NXNL1: variants seen among roughly 807,000 people sequenced by gnomAD.
NXNL1 encodes the protein nucleoredoxin like 1.
In NXNL1, 6 loss-of-function variants were observed where a neutral mutation model predicts 7.2. The ratio of observed to expected loss-of-function variants is 0.83; its 90% CI spans 0.46 to 1.64. The LOEUF (loss-of-function observed/expected upper bound fraction) is 1.64. Among genes scored for constraint, NXNL1 ranks in the 40% most tolerant of loss-of-function variants. NXNL1 has a pLI of 0.01. For missense variants in NXNL1, 308 were observed against 285.1 expected, an observed-to-expected ratio of 1.08 and a Z score of -0.58; for synonymous variants, 133 against 127.2, an observed-to-expected ratio of 1.05 and a Z score of -0.31.
At position 17,460,591 on chromosome 19, in the gene NXNL1, GT is replaced by G; in HGVS notation, c.278del (p.Asp93AlafsTer15). The G allele has an allele frequency of 6.2e-7, 1 of 1,606,458 alleles. No homozygotes were observed. Among genetic ancestry groups the G allele is most frequent in the Non-Finnish European group, 8.5e-7 (1 of 1,179,998 alleles). ...GCAGGAAAAGCCATTTCTTTGGCAT[GT>G]CCTTGAGGAACAGGTCCTGCTGCTC... ...TEEQQDLFLK[D>X]MPKKWLFLPF... On this transcript the variant is annotated frameshift_variant, in exon 1 of 2. Coordinates refer to ENST00000301944, the MANE Select transcript of NXNL1 (RefSeq NM_138454.2). LOFTEE classifies it high-confidence loss of function.
At chr19:17,459,607 A>G (rs1466916727) in intron 1 of NXNL1, among the ~76,000 whole-genome samples, 2 of 152,088 alleles carry the variant, frequency 1.3e-5, no homozygotes, top group Admixed American at 6.6e-5. Flanking sequence ...TAGTAGAGAC[A>G]GGGTTTTGCC....
chr19:17,457,460 C>T (rs995163170), intron 1 of NXNL1, among the ~76,000 whole-genome samples: 16 of 152,110 alleles, frequency 1.1e-4, no homozygotes, highest in Non-Finnish European at 2.1e-4. Context: ...TAACTTCAAA[C>T]TCCTGGGCTC....
In NXNL1 at chr19:17,460,855, G is replaced by A. The variant is rs2075010496; in HGVS notation, c.15C>T (p.Phe5=). 2 of 1,613,286 alleles carry A rather than the reference G, an allele frequency of 1.2e-6. No homozygotes were observed. The highest frequency in any genetic ancestry group is 1.7e-6 in the Non-Finnish European group (2 of 1,180,022). Residue 5 remains phenylalanine, a synonymous_variant, in exon 1 of 2, where the codon TTC becomes TTT. Transcript: ENST00000301944. The part of the protein sequence containing the change: MASL[F]SGRILIRNNS... ...TGTTGCGGATCAGGATGCGGCCAGA[G>A]AACAGGGAGGCCATGGTAACCTGGG...
rs1252417355 is a variant in NXNL1, at chr19:17,455,511, G to C, written c.*136C>G. 8.1e-6 allele frequency: 5 copies of C among 618,124 alleles called. No homozygotes were observed. The highest frequency in any genetic ancestry group is 5.6e-5 in the African/African-American group (3 of 54,022). 38.3% of individuals were successfully genotyped at this position (618,124 alleles called of 1,614,324 possible). A position where few individuals can be genotyped will look rare whatever the true frequency, so the allele number is the denominator to read the frequency against. ...AGTCAGGGTCTCACTCTCTTGCCCA[G>C]GTTGATCTCGAACCTCTGGGCTCAA... On this transcript the variant is annotated 3_prime_UTR_variant, in exon 2 of 2. Coordinates refer to ENST00000301944, the MANE Select transcript of NXNL1 (RefSeq NM_138454.2).
intron 1 of NXNL1, among the ~76,000 whole-genome samples, chr19:17,459,079 C>T (rs1321161897): frequency 4.6e-5 from 7 of 151,990 alleles, no homozygotes; most frequent in Non-Finnish European, 8.8e-5. Context: ...CCTTATAAAG[C>T]TTGAATCCGA....
At chr19:17,459,373 C>T (rs1255879029) in intron 1 of NXNL1, among the ~76,000 whole-genome samples, 1 of 152,072 alleles carries the variant, frequency 6.6e-6, no homozygotes, top group East Asian at 1.9e-4. Flanking sequence ...TATCTTTCTT[C>T]TCATTGGAGT....
intron 1 of NXNL1, 46 bp downstream of exon 1, chr19:17,460,498 G>T: frequency 6.3e-7 from 1 of 1,583,364 alleles, no homozygotes; most frequent in Non-Finnish European, 8.6e-7. Flanking sequence ...TTCACTTTCA[G>T]CGAACATGCC....
intron 1 of NXNL1, among the ~76,000 whole-genome samples, chr19:17,456,342 AGC>A (rs1216654151): frequency 6.6e-6 from 1 of 151,380 alleles, no homozygotes; most frequent in Non-Finnish European, 1.5e-5. Flanking sequence ...AAATAAATAA[AGC>A]AGGGTGTGGT....
At position 17,456,068 on chromosome 19, in the gene NXNL1, C is replaced by T. The variant is rs1272902349; in HGVS notation, c.327-109G>A. ...AGGCAGCGCCTTCTGTGTGCACTGC[C>T]TCTTGCCGGGCACTGGGTAGGTGCA... On this transcript the variant is annotated intron_variant, in intron 1 of 1. Coordinates refer to ENST00000301944, the MANE Select transcript of NXNL1 (RefSeq NM_138454.2). 2.0e-6 allele frequency: 3 copies of T among 1,516,844 alleles called. No homozygotes were observed. In the African/African-American group the frequency reaches 4.1e-5, roughly 21 times the overall value. 94.0% of individuals were successfully genotyped at this position (1,516,844 alleles called of 1,614,324 possible).
chr19:17,457,836 C>G (rs549100344), intron 1 of NXNL1, among the ~76,000 whole-genome samples: 5 of 152,338 alleles, frequency 3.3e-5, no homozygotes, highest in Admixed American at 2.6e-4. Flanking sequence ...GGAAGCGTTG[C>G]TAGCGTCAGG....
At chr19:17,457,338 A>C (rs1391254723) in intron 1 of NXNL1, among the ~76,000 whole-genome samples, 1 of 152,128 alleles carries the variant, frequency 6.6e-6, no homozygotes, top group Non-Finnish European at 1.5e-5. Flanking sequence ...CTTATACTAA[A>C]GAAAGATTAT....
rs1475185945 is a variant in NXNL1 at position 17,455,442 on chromosome 19, A to C, written c.*205T>G. On this transcript the variant is annotated 3_prime_UTR_variant, in exon 2 of 2. Coordinates refer to ENST00000301944, the MANE Select transcript of NXNL1 (RefSeq NM_138454.2). ...CCTCAGCCTTCAGGGTAGCTAAGCCACAGGTGCGCGCCACCACACCGGGCT... is the reference window on the plus strand; with the variant it reads ...CCTCAGCCTTCAGGGTAGCTAAGCCCCAGGTGCGCGCCACCACACCGGGCT... 2 of 577,292 alleles carry C rather than the reference A, an allele frequency of 3.5e-6. No individual in the cohort carries two copies. Among genetic ancestry groups the C allele is most frequent in the South Asian group, 4.4e-5 (2 of 45,276 alleles). The allele number at this position is 577,292 out of a possible 1,614,324, so 35.8% of individuals were successfully genotyped here.
At chr19:17,458,290 G>A (rs2075000524) in intron 1 of NXNL1, among the ~76,000 whole-genome samples, 1 of 146,602 alleles carries the variant, frequency 6.8e-6, no homozygotes, top group Non-Finnish European at 1.5e-5. Flanking sequence ...CACGATCTCG[G>A]GTCACTGCAA....
chr19:17,457,882 G>T (rs961870459), intron 1 of NXNL1, among the ~76,000 whole-genome samples: 1 of 152,206 alleles, frequency 6.6e-6, no homozygotes, highest in Non-Finnish European at 1.5e-5. Flanking sequence ...CAGTGGGCAG[G>T]ATTCAGTGTC....
Position 17,455,841 on chromosome 19 carries a change from A to C in NXNL1, c.445T>G (p.Phe149Val), listed in dbSNP as rs749140081. ...DEIQRLGTACFANWQEAAEVL... is the reference protein window; with the variant it reads ...DEIQRLGTACVANWQEAAEVL... Reference sequence around the variant, plus strand: ...TCGGCCGCCTCCTGCCAGTTGGCGAAGCAGGCGGTGCCCAGGCGCTGGATC... The same window carrying C: ...TCGGCCGCCTCCTGCCAGTTGGCGACGCAGGCGGTGCCCAGGCGCTGGATC... The change falls in exon 2 of 2, where the codon TTC becomes GTC. Residue 149 changes from phenylalanine to valine, a missense_variant. By Grantham distance (50) the Phe-to-Val change is conservative (BLOSUM62 -1). Coordinates refer to ENST00000301944, the MANE Select transcript of NXNL1 (RefSeq NM_138454.2). 5.0e-6 allele frequency: 8 copies of C among 1,587,508 alleles called. No homozygotes were observed. The highest frequency in any genetic ancestry group is 3.3e-4 in the Middle Eastern group (2 of 6,048).
chr19:17,457,133 C>T (rs900698061), intron 1 of NXNL1, among the ~76,000 whole-genome samples: 3 of 150,464 alleles, frequency 2.0e-5, no homozygotes, highest in African/African-American at 7.3e-5. Context: ...TACAGTGGCT[C>T]ACCCCTGTAA....
At chr19:17,459,499 C>A (rs1478532912) in intron 1 of NXNL1, among the ~76,000 whole-genome samples, 1 of 151,776 alleles carries the variant, frequency 6.6e-6, no homozygotes, top group East Asian at 1.9e-4. Flanking sequence ...ATCACTGCAA[C>A]TTTCGCCTCC....
intron 1 of NXNL1, among the ~76,000 whole-genome samples, chr19:17,459,924 C>T (rs527296803): frequency 2.6e-5 from 4 of 152,244 alleles, no homozygotes; most frequent in Admixed American, 6.6e-5. Context: ...CCTCTGACCC[C>T]GGAACCTCAC....
At chr19:17,456,004 G>A in intron 1 of NXNL1, 45 bp from the exon 2 acceptor site, 1 of 1,595,182 alleles carries the variant, frequency 6.3e-7, no homozygotes, top group Non-Finnish European at 8.5e-7. Context: ...CATCCCTGAT[G>A]CTGAACCAGA....
Sources: gnomAD v4.1 joint callset for allele counts (sites outside exome capture counted in the v4.1 genomes callset) on GRCh38, gnomAD v4.1.1 for gene constraint, MANE v1.5 for transcripts, NCBI Gene and HGNC (gene_info 2026-07-23, HGNC 2026-07-21) for gene names.